The following MRTFA variants were observed in gnomAD, a reference collection of about 807,000 sequenced individuals.
MRTFA encodes myocardin-related transcription factor A.
MRTFA carries 20 observed loss-of-function variants against 83.5 expected under a neutral mutation model. The observed-to-expected ratio is 0.24, with a 90% CI of 0.17 to 0.35. The LOEUF is 0.35. Ranked by LOEUF, MRTFA falls within the 10% of genes least tolerant of loss-of-function variation. MRTFA has a pLI of 1.00. For synonymous variants in MRTFA, 659 were observed against 541.2 expected (o/e 1.22, Z -3.02); for missense variants, 1,200 against 1,224.7 (o/e 0.98, Z 0.30).
chr22:40,625,678 C>A (rs1038561084), intron 1 of MRTFA, among the ~76,000 whole-genome samples: 1 of 152,028 alleles, frequency 6.6e-6, no homozygotes, highest in African/African-American at 2.4e-5. Context: ...ACTTGGGAGT[C>A]TGAGGCACAA....
At chr22:40,599,240 G>A (rs2056229685) in intron 1 of MRTFA, among the ~76,000 whole-genome samples, 1 of 152,110 alleles carries the variant, frequency 6.6e-6, no homozygotes, top group Non-Finnish European at 1.5e-5. Context: ...GGAGGTTGCA[G>A]TGAGCCGAGA....
At chr22:40,598,718 T>C (rs924083129) in intron 1 of MRTFA, among the ~76,000 whole-genome samples, 2 of 151,734 alleles carry the variant, frequency 1.3e-5, no homozygotes, top group South Asian at 4.1e-4. Flanking sequence ...AGAGGCCAGG[T>C]ACAGTGGCTC....
At chr22:40,417,545 AC>A in intron 12 of MRTFA, 52 bp from the exon 13 acceptor site, 1 of 204,848 alleles carries the variant, frequency 4.9e-6, no homozygotes, top group South Asian at 5.7e-5. Flanking sequence ...GGGGGTGCAG[AC>A]CTGCCTTGTA....
intron 3 of MRTFA, among the ~76,000 whole-genome samples, chr22:40,548,820 C>T (rs905201161): frequency 2.6e-5 from 4 of 151,642 alleles, no homozygotes; most frequent in Non-Finnish European, 5.9e-5. Flanking sequence ...GTCAAGATCG[C>T]GCCACTGCAC....
At position 40,479,685 on chromosome 22, in the gene MRTFA, A is replaced by C. The variant is rs143957001; in HGVS notation, c.242-16399T>G. Among the ~76,000 whole-genome samples, 22 of 152,306 alleles carry C rather than the reference A, an allele frequency of 1.4e-4. No homozygotes were observed. In the East Asian group the frequency reaches 2.3e-3, roughly 16 times the overall value. On this transcript the variant is annotated intron_variant, in intron 3 of 14. Transcript: ENST00000355630. ...TCCTGTAAATCAACATGGTGCTCAA[A>C]GGAAATGCTCAATGGAGCATGTCAG...
intron 1 of MRTFA, among the ~76,000 whole-genome samples, chr22:40,612,377 C>T (rs893654118): frequency 1.3e-5 from 2 of 152,170 alleles, no homozygotes; most frequent in African/African-American, 4.8e-5. Context: ...CTCATTCATT[C>T]AACAGAAATG....
At chr22:40,429,025 A>G (rs2053013624) in intron 7 of MRTFA, among the ~76,000 whole-genome samples, 2 of 152,090 alleles carry the variant, frequency 1.3e-5, no homozygotes, top group Admixed American at 6.5e-5. Flanking sequence ...CTGTGTTTCC[A>G]AAGTACCCTG....
intron 4 of MRTFA, among the ~76,000 whole-genome samples, chr22:40,457,746 G>T (rs768785880): frequency 1.3e-5 from 2 of 152,196 alleles, no homozygotes; most frequent in Non-Finnish European, 2.9e-5. Flanking sequence ...TGGGAAAATA[G>T]TAAGTTGAGG....
At chr22:40,472,057 A>C (rs1427480487) in intron 3 of MRTFA, among the ~76,000 whole-genome samples, 1 of 152,154 alleles carries the variant, frequency 6.6e-6, no homozygotes, top group Non-Finnish European at 1.5e-5. Context: ...AAAATTCCTC[A>C]ACAAAATACT....
intron 3 of MRTFA, among the ~76,000 whole-genome samples, chr22:40,468,830 C>T (rs2053853738): frequency 1.3e-5 from 2 of 152,164 alleles, no homozygotes. Context: ...ACTCTGGAGG[C>T]TGTCATACTT....
At chr22:40,596,917 A>T (rs1310639153) in intron 1 of MRTFA, among the ~76,000 whole-genome samples, 1 of 151,686 alleles carries the variant, frequency 6.6e-6, no homozygotes, top group Non-Finnish European at 1.5e-5. Flanking sequence ...GGAGGTTGCA[A>T]TGAGCCGAGA....
intron 2 of MRTFA, among the ~76,000 whole-genome samples, chr22:40,559,988 C>T (rs2055590100): frequency 6.6e-6 from 1 of 152,310 alleles, no homozygotes; most frequent in East Asian, 1.9e-4. Flanking sequence ...TACACACACA[C>T]ACACTTTACC....
chr22:40,459,370 A>C (rs542796065), intron 4 of MRTFA, among the ~76,000 whole-genome samples: 1 of 152,166 alleles, frequency 6.6e-6, no homozygotes, highest in East Asian at 1.9e-4. Context: ...ATTCTCTCTC[A>C]TAATCTAAGC....
At chr22:40,614,210 T>A (rs138341185) in intron 1 of MRTFA, among the ~76,000 whole-genome samples, 30 of 148,268 alleles carry the variant, frequency 2.0e-4, no homozygotes, top group Middle Eastern at 3.4e-3. Context: ...CTCAAAAAAA[T>A]AAATAAATAA....
chr22:40,594,539 ATGAG>A (rs1206653610), intron 2 of MRTFA, 131 bp downstream of exon 2: 1 of 152,156 alleles, frequency 6.6e-6, no homozygotes. Flanking sequence ...AGGAGGCACG[ATGAG>A]TGAGACTGAA....
chr22:40,528,779 T>G (rs1169285413), intron 3 of MRTFA, among the ~76,000 whole-genome samples: 2 of 151,754 alleles, frequency 1.3e-5, no homozygotes, highest in Non-Finnish European at 2.9e-5. Context: ...AAAGGCTACA[T>G]TAATATTTAG....
intron 3 of MRTFA, among the ~76,000 whole-genome samples, chr22:40,546,946 G>A (rs2055373691): frequency 6.6e-6 from 1 of 152,088 alleles, no homozygotes; most frequent in Non-Finnish European, 1.5e-5. Flanking sequence ...ACAAGGTCAG[G>A]AGATCGAGAC....
chr22:40,419,027 T>C lies in MRTFA; in HGVS notation c.1711A>G (p.Thr571Ala), dbSNP rs774628848. 3 of 1,610,602 alleles carry C rather than the reference T, an allele frequency of 1.9e-6. No homozygotes were observed. The highest frequency in any genetic ancestry group is 4.5e-5 in the East Asian group (2 of 44,706). ...ATCTCACCAAAGGTGTCCCCGGGGG[T>C]GGAGTTTTCATCGCCCGTGCTGAGC... The change falls in exon 12 of 15, where the codon ACC becomes GCC. Residue 571 changes from threonine to alanine, a missense_variant. By Grantham distance (58) the Thr-to-Ala change is moderately conservative. Coordinates refer to ENST00000355630, the MANE Select transcript of MRTFA (RefSeq NM_020831.6).
chr22:40,636,229 C>G (rs1056992307), intron 1 of MRTFA, among the ~76,000 whole-genome samples: 4 of 152,200 alleles, frequency 2.6e-5, no homozygotes, highest in Non-Finnish European at 5.9e-5. Context: ...CCAGGCAGTG[C>G]ACAGGTGCAC....
Sources: gnomAD v4.1 joint callset for allele counts (sites outside exome capture counted in the v4.1 genomes callset) on GRCh38, gnomAD v4.1.1 for gene constraint, MANE v1.5 for transcripts, NCBI Gene and HGNC (gene_info 2026-07-23, HGNC 2026-07-21) for gene names.